The following CHSY3 variants were observed in gnomAD, a reference collection of about 807,000 sequenced individuals.
The protein encoded by CHSY3 is chondroitin sulfate synthase 3, also known as N-acetylgalactosaminyl-proteoglycan 3-beta-glucuronosyltransferase 3.
CHSY3 carries 35 observed loss-of-function variants against 67.2 expected under a neutral mutation model. The ratio of observed to expected loss-of-function variants is 0.52; its 90% CI spans 0.40 to 0.69. The LOEUF is 0.69. Among genes scored for constraint, CHSY3 ranks in the 30% least tolerant of loss-of-function variants. The probability of loss-of-function intolerance (pLI) is 0.00; values close to 1 mark genes in which losing one functional copy is unlikely to be tolerated. For missense variants in CHSY3, 1,069 were observed against 1,138.5 expected, an observed-to-expected ratio of 0.94 and a Z score of 0.88; for synonymous variants, 474 against 434.7, an observed-to-expected ratio of 1.09 and a Z score of -1.12.
intron 2 of CHSY3, among the ~76,000 whole-genome samples, chr5:130,169,810 A>G (rs1769849886): frequency 6.6e-6 from 1 of 152,078 alleles, no homozygotes; most frequent in South Asian, 2.1e-4. Flanking sequence ...CATATGAATT[A>G]GAAAGAAGGT....
At chr5:129,965,828 A>T (rs1762454581) in intron 2 of CHSY3, among the ~76,000 whole-genome samples, 1 of 151,928 alleles carries the variant, frequency 6.6e-6, no homozygotes, top group South Asian at 2.1e-4. Flanking sequence ...ATACTGGTTG[A>T]TCAGCTATTT....
chr5:130,048,968 T>G (rs1350139786), intron 2 of CHSY3, among the ~76,000 whole-genome samples: 3 of 151,816 alleles, frequency 2.0e-5, no homozygotes, highest in African/African-American at 7.3e-5. Flanking sequence ...GCTAAGAGAG[T>G]AAATTTCAAA....
chr5:129,910,915 A>G (rs1760517056), intron 2 of CHSY3, among the ~76,000 whole-genome samples: 2 of 151,578 alleles, frequency 1.3e-5, no homozygotes, highest in South Asian at 2.1e-4. Context: ...TAAAAGCACT[A>G]TCTGTGATAG....
intron 2 of CHSY3, among the ~76,000 whole-genome samples, chr5:130,017,476 T>TG (rs925178750): frequency 4.2e-4 from 64 of 152,172 alleles, no homozygotes; most frequent in African/African-American, 1.5e-3. Context: ...TAGGGAAGGC[T>TG]GGGGTAGCGT....
chr5:130,170,737 G>C (rs1234039601), intron 2 of CHSY3, among the ~76,000 whole-genome samples: 1 of 151,980 alleles, frequency 6.6e-6, no homozygotes, highest in Admixed American at 6.6e-5. Context: ...CTGATGATTA[G>C]TGATGTTGAC....
intron 2 of CHSY3, among the ~76,000 whole-genome samples, chr5:130,008,064 A>G (rs776642324): frequency 2.0e-5 from 3 of 152,172 alleles, no homozygotes; most frequent in Non-Finnish European, 4.4e-5. Flanking sequence ...GTTCATCTGC[A>G]GCATCGCCCA....
intron 2 of CHSY3, among the ~76,000 whole-genome samples, chr5:130,020,758 T>A (rs570150603): frequency 1.3e-5 from 2 of 152,208 alleles, no homozygotes; most frequent in East Asian, 3.9e-4. Flanking sequence ...CAATAACTTA[T>A]GAAGTGTGTA....
intron 2 of CHSY3, among the ~76,000 whole-genome samples, chr5:129,923,733 T>C (rs970875558): frequency 3.3e-5 from 5 of 152,090 alleles, no homozygotes; most frequent in African/African-American, 1.2e-4. Context: ...AAACTAGAAT[T>C]GAAGAAGGCA....
At chr5:129,907,989 C>T in intron 1 of CHSY3, 88 bp from the exon 2 acceptor site, 1 of 1,507,436 alleles carries the variant, frequency 6.6e-7, no homozygotes, top group Non-Finnish European at 8.8e-7. Flanking sequence ...ATTTTAAGCA[C>T]AATGTTGAAA....
chr5:130,085,601 C>T (rs1766590859), intron 2 of CHSY3, among the ~76,000 whole-genome samples: 1 of 152,050 alleles, frequency 6.6e-6, no homozygotes, highest in Non-Finnish European at 1.5e-5. Context: ...TTTTATGTCT[C>T]TATTTCCTTC....
intron 2 of CHSY3, among the ~76,000 whole-genome samples, chr5:130,169,385 C>T (rs1469564902): frequency 6.6e-6 from 1 of 152,038 alleles, no homozygotes; most frequent in East Asian, 1.9e-4. Flanking sequence ...CACAATGGCC[C>T]TCCTATTTGT....
intron 2 of CHSY3, among the ~76,000 whole-genome samples, chr5:129,959,946 T>C (rs747323568): frequency 2.6e-5 from 4 of 152,128 alleles, no homozygotes; most frequent in Non-Finnish European, 4.4e-5. Context: ...TTTAAGCATA[T>C]TTGATACTGA....
intron 2 of CHSY3, among the ~76,000 whole-genome samples, chr5:130,143,732 G>GTATATATATATATATATA (rs1468717884): frequency 2.3e-4 from 23 of 99,270 alleles, no homozygotes; most frequent in African/African-American, 9.6e-4. Context: ...GTGTGTGTGT[G>GTATATATATATATATATA]TGTATATATA....
At chr5:129,906,702 G>A (rs970320236) in intron 1 of CHSY3, among the ~76,000 whole-genome samples, 5 of 152,194 alleles carry the variant, frequency 3.3e-5, no homozygotes, top group Non-Finnish European at 5.9e-5. Context: ...GGGTTGTACC[G>A]AATGAGGTTT....
In CHSY3 at chr5:129,934,359, G is replaced by A. The variant is rs537551077; in HGVS notation, c.1086+25999G>A. Among the ~76,000 whole-genome samples the A allele has an allele frequency of 6.1e-4, 93 of 152,090 alleles. No homozygotes were observed. The South Asian group carries it at 0.016, about 27-fold the overall frequency. On this transcript the variant is annotated intron_variant, in intron 2 of 2. Transcript: ENST00000305031. ...TGTTAATATGTATAATGGTGTGGTT[G>A]CCCTGTTTACTGCAATTTAAAGTGC...
intron 2 of CHSY3, among the ~76,000 whole-genome samples, chr5:130,170,100 A>G (rs1769858090): frequency 6.6e-6 from 1 of 152,094 alleles, no homozygotes; most frequent in Non-Finnish European, 1.5e-5. Context: ...TGAATACTGT[A>G]TCCGAAAGAT....
chr5:130,040,569 C>T (rs566535690), intron 2 of CHSY3, among the ~76,000 whole-genome samples: 15 of 152,222 alleles, frequency 9.9e-5, no homozygotes, highest in Non-Finnish European at 1.8e-4. Flanking sequence ...TATGATAAAT[C>T]CTTTCTGGCT....
chr5:130,055,867 C>A (rs1193260204), intron 2 of CHSY3, among the ~76,000 whole-genome samples: 1 of 152,074 alleles, frequency 6.6e-6, no homozygotes, highest in Non-Finnish European at 1.5e-5. Context: ...CCTCTCCCTG[C>A]AGAATTGTCA....
At chr5:130,157,549 C>T (rs1018746129) in intron 2 of CHSY3, among the ~76,000 whole-genome samples, 4 of 152,100 alleles carry the variant, frequency 2.6e-5, no homozygotes, top group Non-Finnish European at 4.4e-5. Context: ...CAAAGATTTT[C>T]GTTTAGTAGA....
Sources: gnomAD v4.1 joint callset for allele counts (sites outside exome capture counted in the v4.1 genomes callset) on GRCh38, gnomAD v4.1.1 for gene constraint, MANE v1.5 for transcripts, NCBI Gene and HGNC (gene_info 2026-07-23, HGNC 2026-07-21) for gene names.